Variants in WDR70 observed in about 807,000 individuals in gnomAD.
WDR70 encodes WD repeat-containing protein 70.
In WDR70, 53 loss-of-function variants were observed where a neutral mutation model predicts 88.6. That is an observed-to-expected ratio of 0.60 (90% CI 0.48 to 0.75). The LOEUF (loss-of-function observed/expected upper bound fraction) is 0.75, where lower values mean the gene tolerates loss of function less well. Among genes scored for constraint, WDR70 ranks in the 30% least tolerant of loss-of-function variants. The pLI, the probability that WDR70 is intolerant of heterozygous loss-of-function variation, is 0.00. For synonymous variants in WDR70, 280 were observed against 270.0 expected, an observed-to-expected ratio of 1.04 and a Z score of -0.36; for missense variants, 610 against 823.2, an observed-to-expected ratio of 0.74 and a Z score of 3.17.
intron 8 of WDR70, among the ~76,000 whole-genome samples, chr5:37,482,167 G>A (rs1739692236): frequency 1.3e-5 from 2 of 152,058 alleles, no homozygotes; most frequent in African/African-American, 4.8e-5. Flanking sequence ...CCTCTTCTGA[G>A]CCTTCCAAAC....
chr5:37,431,122 G>C (rs1750290660), intron 5 of WDR70, among the ~76,000 whole-genome samples: 1 of 152,178 alleles, frequency 6.6e-6, no homozygotes, highest in Non-Finnish European at 1.5e-5. Context: ...CCAAAGCGTT[G>C]GGATTGCAGG....
intron 3 of WDR70, among the ~76,000 whole-genome samples, chr5:37,386,481 C>G (rs1353715442): frequency 1.3e-5 from 2 of 152,132 alleles, no homozygotes; most frequent in East Asian, 3.9e-4. Context: ...CACGTGCCAC[C>G]ACCACCTGAC....
chr5:37,725,669 T>C (rs991142882), intron 16 of WDR70, among the ~76,000 whole-genome samples: 3 of 152,258 alleles, frequency 2.0e-5, no homozygotes, highest in East Asian at 3.9e-4. Context: ...CTATCTTAAT[T>C]ATTTTTTTCA....
At position 37,630,167 on chromosome 5, in the gene WDR70, T is replaced by C. The variant is rs142674451; in HGVS notation, c.1092+24929T>C. On this transcript the variant is annotated intron_variant, in intron 10 of 17. Transcript: ENST00000265107. ...GTTGGGCATTTGTTCATGCACACAG[T>C]GGGTCAGGCAGCTTGGAGTCTGGCT... is the stretch of plus-strand genomic sequence containing the variant. Among the ~76,000 whole-genome samples, 24 of 152,310 alleles carry C rather than the reference T, an allele frequency of 1.6e-4. 1 individual carries two copies. The East Asian group carries it at 4.4e-3, about 28-fold the overall frequency.
intron 17 of WDR70, among the ~76,000 whole-genome samples, chr5:37,742,525 A>T (rs1371413193): frequency 6.6e-6 from 1 of 152,114 alleles, no homozygotes; most frequent in Non-Finnish European, 1.5e-5. Flanking sequence ...ATTTTCTCCC[A>T]TTCTGCCTTT....
chr5:37,723,381 T>A (rs1747882498), intron 15 of WDR70: 1 of 181,814 alleles, frequency 5.5e-6, no homozygotes, highest in African/African-American at 2.4e-5. Flanking sequence ...TGAAATTCTA[T>A]GACCATGTGC....
At chr5:37,457,857 A>G (rs1281435438) in intron 7 of WDR70, among the ~76,000 whole-genome samples, 1 of 152,136 alleles carries the variant, frequency 6.6e-6, no homozygotes, top group African/African-American at 2.4e-5. Flanking sequence ...AACTTCCAAC[A>G]CTATGTTGAA....
At chr5:37,639,702 G>A (rs139224195) in intron 10 of WDR70, among the ~76,000 whole-genome samples, 4 of 152,114 alleles carry the variant, frequency 2.6e-5, no homozygotes, top group Non-Finnish European at 5.9e-5. Flanking sequence ...ACTCTTTGAT[G>A]GTGATCATAA....
At chr5:37,489,033 T>A (rs562464605) in intron 8 of WDR70, among the ~76,000 whole-genome samples, 1 of 152,292 alleles carries the variant, frequency 6.6e-6, no homozygotes, top group Admixed American at 6.5e-5. Context: ...AGTAGTGTAG[T>A]CTCCATATGA....
rs1487645794 is a variant in WDR70, at chr5:37,506,851, C to T, written c.841-9663C>T. ...GCTGCTGTTCAGGAACAGGGTCACC[C>T]GCCTCATTGCGCTGCCCCCGGTGGG... On this transcript the variant is annotated intron_variant, in intron 8 of 17. Transcript: ENST00000265107. 4.4e-5 allele frequency: 54 copies of T among 1,238,632 alleles called. 1 individual carries two copies. Among genetic ancestry groups the T allele is most frequent in the African/African-American group, 5.9e-5 (4 of 68,132 alleles). 76.7% of individuals were successfully genotyped at this position (1,238,632 alleles called of 1,614,324 possible).
chr5:37,563,086 C>T (rs1439438303), intron 9 of WDR70, among the ~76,000 whole-genome samples: 1 of 73,888 alleles, frequency 1.4e-5, no homozygotes, highest in Admixed American at 1.5e-4. Flanking sequence ...GCTGACCCCC[C>T]CCGCCTCCCT....
intron 5 of WDR70, among the ~76,000 whole-genome samples, chr5:37,397,776 C>T (rs957028715): frequency 4.6e-5 from 7 of 152,152 alleles, no homozygotes; most frequent in Admixed American, 3.9e-4. Flanking sequence ...GGGCGGATCA[C>T]GAGGTCAAGA....
intron 8 of WDR70, among the ~76,000 whole-genome samples, chr5:37,481,337 C>G (rs1739663345): frequency 6.6e-6 from 1 of 150,832 alleles, no homozygotes; most frequent in African/African-American, 2.4e-5. Context: ...AGGGCCCCCC[C>G]CGCTCCCTGC....
At chr5:37,512,545 G>A (rs1484325294) in intron 8 of WDR70, among the ~76,000 whole-genome samples, 2 of 151,108 alleles carry the variant, frequency 1.3e-5, no homozygotes, top group Non-Finnish European at 2.9e-5. Flanking sequence ...AAGGACATTT[G>A]CTATTGGATT....
chr5:37,399,563 G>A (rs1749134209), intron 5 of WDR70, among the ~76,000 whole-genome samples: 1 of 152,150 alleles, frequency 6.6e-6, no homozygotes, highest in South Asian at 2.1e-4. Flanking sequence ...CATTGCTTTA[G>A]AATGCTTTTG....
intron 10 of WDR70, among the ~76,000 whole-genome samples, chr5:37,695,271 C>T (rs532183034): frequency 6.6e-6 from 1 of 152,168 alleles, no homozygotes; most frequent in African/African-American, 2.4e-5. Context: ...TAAGAAGCCA[C>T]CTCTGTGATC....
At chr5:37,751,947 C>T (rs76155415) in intron 17 of WDR70, among the ~76,000 whole-genome samples, 13,365 of 152,080 alleles carry the variant, frequency 0.088, 1,884 homozygotes, top group African/African-American at 0.3. Context: ...TGTAGGAATG[C>T]GGGGGATATT....
At chr5:37,557,907 T>A (rs1742341581) in intron 9 of WDR70, among the ~76,000 whole-genome samples, 1 of 131,666 alleles carries the variant, frequency 7.6e-6, no homozygotes, top group Non-Finnish European at 1.7e-5. Context: ...ATTTATACTC[T>A]TTTGAAAACT....
intron 10 of WDR70, among the ~76,000 whole-genome samples, chr5:37,649,283 G>A (rs1745325498): frequency 6.6e-6 from 1 of 152,006 alleles, no homozygotes; most frequent in African/African-American, 2.4e-5. Flanking sequence ...TTCACTGGGA[G>A]AGTAGGAATT....
Sources: allele counts gnomAD v4.1 joint callset (sites outside exome capture counted in the v4.1 genomes callset), GRCh38; gene constraint gnomAD v4.1.1; transcripts MANE v1.5; gene names NCBI Gene and HGNC (gene_info 2026-07-23, HGNC 2026-07-21).